Variants in PTPRD observed in about 807,000 individuals in gnomAD.
PTPRD encodes receptor-type tyrosine-protein phosphatase delta.
A neutral mutation model predicts 214.5 loss-of-function variants in PTPRD; 34 were observed. The observed-to-expected ratio is 0.16, with a 90% CI of 0.12 to 0.21. The LOEUF (loss-of-function observed/expected upper bound fraction) is 0.21. Ranked by LOEUF, PTPRD falls within the 10% of genes least tolerant of loss-of-function variation. PTPRD has a pLI of 1.00. For missense variants in PTPRD, 2,545 were observed against 2,398.7 expected (o/e 1.06, Z -1.27); for synonymous variants, 1,128 against 845.7 (o/e 1.33, Z -5.79).
intron 5 of PTPRD, among the ~76,000 whole-genome samples, chr9:9,913,483 A>C (rs1384348721): frequency 2.0e-5 from 3 of 152,192 alleles, no homozygotes. Context: ...GAAAGGACCA[A>C]GTTAATGAAT....
chr9:10,520,958 G>A (rs1390063050), intron 2 of PTPRD, among the ~76,000 whole-genome samples: 3 of 151,418 alleles, frequency 2.0e-5, no homozygotes, highest in Non-Finnish European at 4.4e-5. Context: ...GAAGATTAAT[G>A]TTGTTTTATG....
intron 3 of PTPRD, among the ~76,000 whole-genome samples, chr9:10,035,190 C>T (rs1567221268): frequency 6.6e-6 from 1 of 152,078 alleles, no homozygotes; most frequent in Non-Finnish European, 1.5e-5. Flanking sequence ...ATTTGCATTT[C>T]TCTAATGATC....
intron 8 of PTPRD, among the ~76,000 whole-genome samples, chr9:9,480,567 G>C (rs968721769): frequency 7.2e-5 from 11 of 152,058 alleles, no homozygotes; most frequent in Non-Finnish European, 1.3e-4. Context: ...TTCAAAGTTT[G>C]TATTGATGTT....
At chr9:8,631,683 T>C (rs188188866) in intron 14 of PTPRD, among the ~76,000 whole-genome samples, 1 of 152,020 alleles carries the variant, frequency 6.6e-6, no homozygotes, top group East Asian at 1.9e-4. Context: ...ACTTATTTTA[T>C]ATACGTATGT....
chr9:8,499,575 G>A (rs2136785510), intron 25 of PTPRD, 72 bp downstream of exon 25: 2 of 1,488,606 alleles, frequency 1.3e-6, no homozygotes, highest in Non-Finnish European at 1.8e-6. Context: ...ACTAAAATAA[G>A]AGCAATTTCA....
At chr9:9,201,252 T>C (rs965319242) in intron 9 of PTPRD, among the ~76,000 whole-genome samples, 3 of 152,098 alleles carry the variant, frequency 2.0e-5, no homozygotes, top group Non-Finnish European at 4.4e-5. Context: ...TAAAAAACAA[T>C]GCTGACTTAA....
At chr9:8,633,527 T>A (rs557714256) in intron 13 of PTPRD, 69 bp from the exon 14 acceptor site, 1 of 1,550,476 alleles carries the variant, frequency 6.4e-7, no homozygotes, top group Non-Finnish European at 8.8e-7. Flanking sequence ...AAGCTCTCAA[T>A]ACAGTGGTGG....
chr9:9,651,826 GTTTTTTTTTTT>G (rs869105633), intron 7 of PTPRD, among the ~76,000 whole-genome samples: 3 of 55,064 alleles, frequency 5.4e-5, no homozygotes, highest in African/African-American at 7.7e-5. Flanking sequence ...TTCAAGGTTT[GTTTTTTTTTTT>G]TTTTTTTTTT....
chr9:9,904,312 A>G (rs2077061702), intron 5 of PTPRD, among the ~76,000 whole-genome samples: 1 of 152,148 alleles, frequency 6.6e-6, no homozygotes, highest in African/African-American at 2.4e-5. Flanking sequence ...TCTTACACTG[A>G]CTACCAAAAT....
intron 3 of PTPRD, among the ~76,000 whole-genome samples, chr9:10,078,131 A>C (rs2098165509): frequency 6.6e-6 from 1 of 152,072 alleles, no homozygotes. Flanking sequence ...AGAAAGAAAA[A>C]AAATCTTTAA....
intron 5 of PTPRD, among the ~76,000 whole-genome samples, chr9:9,838,625 T>C (rs909181267): frequency 2.0e-5 from 3 of 152,228 alleles, no homozygotes; most frequent in African/African-American, 7.2e-5. Flanking sequence ...TGCTTTTTTC[T>C]TGTAAATTTG....
chr9:8,349,528 CTGTT>C (rs1399872191), intron 39 of PTPRD, among the ~76,000 whole-genome samples: 3 of 152,120 alleles, frequency 2.0e-5, no homozygotes, highest in Non-Finnish European at 4.4e-5. Context: ...CTATTTAGTG[CTGTT>C]TGTTTTTCAT....
intron 5 of PTPRD, among the ~76,000 whole-genome samples, chr9:9,869,859 A>G (rs2064979172): frequency 6.6e-6 from 1 of 152,090 alleles, no homozygotes. Flanking sequence ...AACCAACTGT[A>G]AAAATACAGC....
intron 5 of PTPRD, among the ~76,000 whole-genome samples, chr9:9,881,286 C>T (rs572511186): frequency 5.3e-4 from 81 of 152,234 alleles, no homozygotes; most frequent in African/African-American, 1.7e-3. Flanking sequence ...ACTTGACTAT[C>T]AGCTATTTAA....
intron 9 of PTPRD, among the ~76,000 whole-genome samples, chr9:9,351,494 G>C (rs893953707): frequency 4.6e-5 from 7 of 151,996 alleles, no homozygotes; most frequent in African/African-American, 1.7e-4. Context: ...CACACTATCT[G>C]AACTTCCTTT....
chr9:10,454,824 C>G (rs1357746584), intron 2 of PTPRD, among the ~76,000 whole-genome samples: 1 of 151,736 alleles, frequency 6.6e-6, no homozygotes, highest in South Asian at 2.1e-4. Context: ...CACACACACA[C>G]ACACATGCAC....
chr9:10,487,709 G>T (rs148130539), intron 2 of PTPRD, among the ~76,000 whole-genome samples: 40 of 151,982 alleles, frequency 2.6e-4, no homozygotes, highest in African/African-American at 9.4e-4. Flanking sequence ...TTGGGGGGTG[G>T]AGGGTGAGGG....
chr9:9,531,561 A>ACAT (rs1172176969), intron 8 of PTPRD, among the ~76,000 whole-genome samples: 4 of 152,174 alleles, frequency 2.6e-5, no homozygotes, highest in Non-Finnish European at 2.9e-5. Context: ...TGTAATGATT[A>ACAT]CATGGTGCAT....
chr9:8,393,812 T>C (rs1211724434), intron 36 of PTPRD, among the ~76,000 whole-genome samples: 1 of 152,186 alleles, frequency 6.6e-6, no homozygotes, highest in Non-Finnish European at 1.5e-5. Flanking sequence ...ATTATACCAA[T>C]ATGCTCCATT....
Sources: gnomAD v4.1 joint callset for allele counts (sites outside exome capture counted in the v4.1 genomes callset) on GRCh38, gnomAD v4.1.1 for gene constraint, MANE v1.5 for transcripts, NCBI Gene and HGNC (gene_info 2026-07-23, HGNC 2026-07-21) for gene names.